GLP2R: variants seen among roughly 807,000 people sequenced by gnomAD.
GLP2R encodes the protein glucagon-like peptide 2 receptor.
GLP2R carries 59 observed loss-of-function variants against 68.2 expected under a neutral mutation model. That is an observed-to-expected ratio of 0.87 (90% CI 0.70 to 1.07). The LOEUF (loss-of-function observed/expected upper bound fraction) is 1.07, where lower values mean the gene tolerates loss of function less well. GLP2R is among the 50% of genes least tolerant of loss of function. The pLI, the probability that GLP2R is intolerant of heterozygous loss-of-function variation, is 0.00. For synonymous variants in GLP2R, 270 were observed against 265.4 expected (o/e 1.02, Z -0.17); for missense variants, 548 against 677.4 (o/e 0.81, Z 2.12).
chr17:9,867,286 C>T (rs1264198250), intron 9 of GLP2R, among the ~76,000 whole-genome samples: 1 of 152,254 alleles, frequency 6.6e-6, no homozygotes, highest in African/African-American at 2.4e-5. Flanking sequence ...GGATCTCTCC[C>T]ACCATCCCCT....
In GLP2R at chr17:9,833,788, C is replaced by T. The variant is rs982545786; in HGVS notation, c.190-19C>T. ...TCTGTGCTTGGTCACTGGGGGTGAC[C>T]ATGTTTTTGTTTGCTCAGGTTACAG... On this transcript the variant is annotated intron_variant, in intron 1 of 12. Coordinates refer to ENST00000262441, the MANE Select transcript of GLP2R (RefSeq NM_004246.3). 49 of 1,524,282 alleles carry T rather than the reference C, an allele frequency of 3.2e-5. No individual in the cohort carries two copies. Among genetic ancestry groups the T allele is most frequent in the Non-Finnish European group, 4.4e-5 (49 of 1,105,884 alleles). 94.4% of individuals were successfully genotyped at this position (1,524,282 alleles called of 1,614,324 possible).
At chr17:9,885,514 G>T (rs79641416) in intron 11 of GLP2R, among the ~76,000 whole-genome samples, 2 of 151,922 alleles carry the variant, frequency 1.3e-5, no homozygotes, top group Admixed American at 1.3e-4. Context: ...AGACATTGAC[G>T]CTAGCTGTTG....
At chr17:9,888,925 G>A (rs571043887) in intron 12 of GLP2R, among the ~76,000 whole-genome samples, 29 of 151,998 alleles carry the variant, frequency 1.9e-4, no homozygotes, top group African/African-American at 2.7e-4. Context: ...ACCTCCTCTC[G>A]CCCTACTACA....
At chr17:9,865,511 G>T (rs2067027137) in intron 9 of GLP2R, among the ~76,000 whole-genome samples, 1 of 152,112 alleles carries the variant, frequency 6.6e-6, no homozygotes, top group Admixed American at 6.5e-5. Context: ...AAACTCCTTA[G>T]AGTCATTCCC....
chr17:9,863,341 C>T lies in GLP2R; in HGVS notation c.1056+1251C>T, dbSNP rs541609692. ...GTATGAGTGTATGAACTCATTTAATCTTCCCAACCAACCTGTGAAGATATG... is the reference window on the plus strand; with the variant it reads ...GTATGAGTGTATGAACTCATTTAATTTTCCCAACCAACCTGTGAAGATATG... On this transcript the variant is annotated intron_variant, in intron 9 of 12. Transcript: ENST00000262441. 1.6e-4 allele frequency among the ~76,000 whole-genome samples: 25 copies of T among 152,304 alleles called. 1 individual carries two copies. In the South Asian group the frequency reaches 5.0e-3, roughly 30 times the overall value.
chr17:9,827,632 C>A (rs751684679), intron 1 of GLP2R, among the ~76,000 whole-genome samples: 1 of 152,056 alleles, frequency 6.6e-6, no homozygotes, highest in South Asian at 2.1e-4. Flanking sequence ...TGGGAAGGAA[C>A]CCCAGTTCCA....
At chr17:9,882,051 A>G (rs114468897) in intron 11 of GLP2R, among the ~76,000 whole-genome samples, 5,851 of 152,076 alleles carry the variant, frequency 0.038, 394 homozygotes, top group African/African-American at 0.13. Flanking sequence ...AAAAAAAAAA[A>G]AAAAGAAATG....
chr17:9,852,891 A>C, intron 4 of GLP2R: 1 of 453,330 alleles, frequency 2.2e-6, no homozygotes, highest in East Asian at 4.9e-5. Context: ...TTCCAGGGGC[A>C]GATTACTTTC....
intron 11 of GLP2R, among the ~76,000 whole-genome samples, chr17:9,883,700 T>C (rs550428655): frequency 1.3e-5 from 2 of 152,314 alleles, no homozygotes; most frequent in East Asian, 3.9e-4. Context: ...GGCAGTGGTA[T>C]AAAATATTCA....
At chr17:9,880,352 G>A (rs1185289286) in intron 10 of GLP2R, 26 bp from the exon 11 acceptor site, 1 of 1,526,412 alleles carries the variant, frequency 6.6e-7, no homozygotes, top group African/African-American at 1.4e-5. Flanking sequence ...TGGCCCTCTT[G>A]ACTGTTATTT....
At chr17:9,826,806 T>C (rs1353608523) in intron 1 of GLP2R, among the ~76,000 whole-genome samples, 1 of 152,180 alleles carries the variant, frequency 6.6e-6, no homozygotes, top group South Asian at 2.1e-4. Context: ...ATCATCCTCA[T>C]TCACATTTGG....
intron 10 of GLP2R, among the ~76,000 whole-genome samples, chr17:9,871,817 C>T (rs891141707): frequency 1.3e-5 from 2 of 150,334 alleles, no homozygotes; most frequent in Non-Finnish European, 2.9e-5. Flanking sequence ...CTCCACCTCC[C>T]AGATTCAAGC....
chr17:9,872,785 C>T (rs1321557218), intron 10 of GLP2R, among the ~76,000 whole-genome samples: 2 of 152,170 alleles, frequency 1.3e-5, no homozygotes, highest in African/African-American at 4.8e-5. Context: ...GGGAGTGTCA[C>T]TGCAGACTCA....
intron 5 of GLP2R, among the ~76,000 whole-genome samples, chr17:9,857,111 G>A (rs2066940773): frequency 6.6e-6 from 1 of 152,050 alleles, no homozygotes; most frequent in South Asian, 2.1e-4. Context: ...TAGTAGAGGT[G>A]GGGTTTCACC....
intron 9 of GLP2R, among the ~76,000 whole-genome samples, chr17:9,865,638 G>A (rs1018316796): frequency 6.6e-6 from 1 of 152,146 alleles, no homozygotes; most frequent in Non-Finnish European, 1.5e-5. Flanking sequence ...TCAAGTGCCT[G>A]TTGGATGGCC....
chr17:9,874,703 G>A (rs751817701), intron 10 of GLP2R, among the ~76,000 whole-genome samples: 20 of 152,138 alleles, frequency 1.3e-4, no homozygotes, highest in African/African-American at 2.7e-4. Flanking sequence ...CATTTTTAAC[G>A]TCTGTGGAAG....
At chr17:9,856,288 A>G (rs1020668662) in intron 5 of GLP2R, among the ~76,000 whole-genome samples, 2 of 152,228 alleles carry the variant, frequency 1.3e-5, no homozygotes, top group African/African-American at 2.4e-5. Flanking sequence ...GCCTGGGACA[A>G]CCAAGTGTCA....
chr17:9,889,299 T>C, intron 12 of GLP2R, 71 bp from the exon 13 acceptor site: 1 of 1,032,998 alleles, frequency 9.7e-7, no homozygotes. Context: ...GCTACTCAAT[T>C]AATATTTGCT....
Position 9,889,779 on chromosome 17 carries a change from C to T in GLP2R, c.*74C>T. ...CCCAGGAAGAGGAAGCAAAGCAGGACACACGTTGCTGGGCACGGAATCATT... is the reference window on the plus strand; with the variant it reads ...CCCAGGAAGAGGAAGCAAAGCAGGATACACGTTGCTGGGCACGGAATCATT... On this transcript the variant is annotated 3_prime_UTR_variant, in exon 13 of 13. Coordinates refer to ENST00000262441, the MANE Select transcript of GLP2R (RefSeq NM_004246.3). 1.1e-6 allele frequency: 1 copy of T among 900,180 alleles called. No individual in the cohort carries two copies. The highest frequency in any genetic ancestry group is 1.7e-6 in the Non-Finnish European group (1 of 596,010). The allele number at this position is 900,180 out of a possible 1,614,324, so 55.8% of individuals were successfully genotyped here. A position where few individuals can be genotyped will look rare whatever the true frequency, so the allele number is the denominator to read the frequency against.
Sources: gnomAD v4.1 joint callset for allele counts (sites outside exome capture counted in the v4.1 genomes callset) on GRCh38, gnomAD v4.1.1 for gene constraint, MANE v1.5 for transcripts, NCBI Gene and HGNC (gene_info 2026-07-23, HGNC 2026-07-21) for gene names.